LARGE1: variants seen among roughly 807,000 people sequenced by gnomAD.
LARGE1 encodes the protein LARGE xylosyl- and glucuronyltransferase 1.
A neutral mutation model predicts 87.6 loss-of-function variants in LARGE1; 43 were observed. The observed-to-expected ratio is 0.49, with a 90% CI of 0.38 to 0.63. The LOEUF is 0.63. LARGE1 is among the 30% of genes least tolerant of loss of function. The pLI, the probability that LARGE1 is intolerant of heterozygous loss-of-function variation, is 0.00. For missense variants in LARGE1, 802 were observed against 1,000.2 expected (o/e 0.80, Z 2.67); for synonymous variants, 434 against 394.6 (o/e 1.10, Z -1.18).
intron 12 of LARGE1, among the ~76,000 whole-genome samples, chr22:33,289,643 T>C (rs1009120680): frequency 6.6e-6 from 1 of 152,154 alleles, no homozygotes; most frequent in African/African-American, 2.4e-5. Flanking sequence ...AGACTTCTGC[T>C]TGCTCATCTA....
chr22:33,235,061 C>T (rs757380908), intron 11 of LARGE1, among the ~76,000 whole-genome samples: 2 of 152,216 alleles, frequency 1.3e-5, no homozygotes, highest in Non-Finnish European at 2.9e-5. Context: ...GGACCCCAGT[C>T]TACCTGACTC....
Position 33,730,748 on chromosome 22 carries a change from T to C in LARGE1, c.106+30623A>G, listed in dbSNP as rs1174661494. On this transcript the variant is annotated intron_variant, in intron 2 of 14. Coordinates refer to ENST00000397394, the MANE Select transcript of LARGE1 (RefSeq NM_133642.5). ...TCTTGTTGCCCAGGATGGAGTGCAA[T>C]GGTGCTATCTCGGCTCACTGCAACC... Among the ~76,000 whole-genome samples, 5 of 152,132 alleles carry C rather than the reference T, an allele frequency of 3.3e-5. No homozygotes were observed. The South Asian group carries it at 1.0e-3, about 31-fold the overall frequency.
chr22:33,833,210 T>C (rs1374548450), intron 1 of LARGE1, among the ~76,000 whole-genome samples: 3 of 152,256 alleles, frequency 2.0e-5, no homozygotes, highest in African/African-American at 7.2e-5. Flanking sequence ...AACATCTGAA[T>C]GGCGGATTAC....
chr22:33,535,091 C>G (rs551694190), intron 6 of LARGE1, among the ~76,000 whole-genome samples: 4 of 152,352 alleles, frequency 2.6e-5, no homozygotes, highest in African/African-American at 9.6e-5. Context: ...CTCAAGCCTT[C>G]TGACTTCTGA....
At chr22:33,138,973 G>T in the LARGE1 span, among the ~76,000 whole-genome samples, 1 of 152,206 alleles carries the variant, frequency 6.6e-6, no homozygotes, top group East Asian at 1.9e-4. Context: ...TTCCCATGCT[G>T]TTCTCGTGAT....
intron 10 of LARGE1, among the ~76,000 whole-genome samples, chr22:33,324,591 CG>C (rs1937079894): frequency 6.6e-6 from 1 of 152,154 alleles, no homozygotes; most frequent in Non-Finnish European, 1.5e-5. Context: ...GAAAATGGCC[CG>C]TTAGGCAGTT....
At chr22:33,818,785 C>T (rs1325720536) in intron 1 of LARGE1, among the ~76,000 whole-genome samples, 1 of 152,130 alleles carries the variant, frequency 6.6e-6, no homozygotes, top group African/African-American at 2.4e-5. Flanking sequence ...ACCCAAGGAC[C>T]AGGGAGCCCA....
chr22:33,461,103 G>A (rs2068363878), intron 6 of LARGE1, among the ~76,000 whole-genome samples: 1 of 152,126 alleles, frequency 6.6e-6, no homozygotes. Context: ...CCAGAAGACT[G>A]ATAAAATCAT....
At chr22:33,123,703 C>T in the LARGE1 span, among the ~76,000 whole-genome samples, 6 of 152,120 alleles carry the variant, frequency 3.9e-5, no homozygotes, top group African/African-American at 1.4e-4. Context: ...AGAAAGTAAA[C>T]ACAGAAGGGA....
chr22:33,787,253 G>C (rs1018450309), intron 1 of LARGE1, among the ~76,000 whole-genome samples: 1 of 152,060 alleles, frequency 6.6e-6, no homozygotes, highest in African/African-American at 2.4e-5. Flanking sequence ...GGAGAGGCAA[G>C]TTTTACAGAA....
chr22:33,632,723 C>G (rs570594406), intron 3 of LARGE1, among the ~76,000 whole-genome samples: 1 of 152,262 alleles, frequency 6.6e-6, no homozygotes, highest in East Asian at 1.9e-4. Context: ...TCCTCAGCAT[C>G]TCACTTGTCC....
At chr22:33,786,975 T>C (rs1427689273) in intron 1 of LARGE1, among the ~76,000 whole-genome samples, 3 of 149,602 alleles carry the variant, frequency 2.0e-5, no homozygotes, top group Admixed American at 2.0e-4. Flanking sequence ...GAGGCGAAAT[T>C]GTGCCACTGC....
At chr22:33,545,243 A>AACACCTAT (rs2077323880) in intron 6 of LARGE1, among the ~76,000 whole-genome samples, 1 of 150,804 alleles carries the variant, frequency 6.6e-6, no homozygotes, top group Non-Finnish European at 1.5e-5. Context: ...ACCTGACCAG[A>AACACCTAT]ACACCTATGT....
chr22:33,428,145 C>G (rs185678146), intron 7 of LARGE1, among the ~76,000 whole-genome samples: 3 of 152,238 alleles, frequency 2.0e-5, no homozygotes, highest in Non-Finnish European at 4.4e-5. Flanking sequence ...AATCACATAA[C>G]CTCCTTTTTC....
intron 11 of LARGE1, among the ~76,000 whole-genome samples, chr22:33,232,872 A>G (rs1166387494): frequency 6.6e-6 from 1 of 152,162 alleles, no homozygotes; most frequent in Non-Finnish European, 1.5e-5. Context: ...AAAATGATGG[A>G]GAAAAATGAG....
intron 1 of LARGE1, among the ~76,000 whole-genome samples, chr22:33,900,415 T>A (rs1270218747): frequency 6.6e-6 from 1 of 152,206 alleles, no homozygotes; most frequent in Non-Finnish European, 1.5e-5. Flanking sequence ...CAAATGCTCA[T>A]TAGATGTCAC....
At chr22:33,101,649 G>T in the LARGE1 span, among the ~76,000 whole-genome samples, 109 of 152,272 alleles carry the variant, frequency 7.2e-4, 1 homozygote, top group Admixed American at 1.3e-3. Context: ...GATGTCTCAC[G>T]ATGTCAGATG....
intron 11 of LARGE1, among the ~76,000 whole-genome samples, chr22:33,222,405 G>A (rs1393808666): frequency 6.6e-6 from 1 of 152,180 alleles, no homozygotes; most frequent in Non-Finnish European, 1.5e-5. Flanking sequence ...TCATATTGCA[G>A]CATGTTGAAT....
intron 12 of LARGE1, among the ~76,000 whole-genome samples, chr22:33,291,530 A>G (rs1932552623): frequency 6.6e-6 from 1 of 151,976 alleles, no homozygotes; most frequent in Admixed American, 6.6e-5. Context: ...GCAGCAGCAG[A>G]GGTGGGGCCT....
Sources: allele counts gnomAD v4.1 joint callset (sites outside exome capture counted in the v4.1 genomes callset), GRCh38; gene constraint gnomAD v4.1.1; transcripts MANE v1.5; gene names NCBI Gene and HGNC (gene_info 2026-07-23, HGNC 2026-07-21).